Variants in DTHD1 observed in about 807,000 individuals in gnomAD.
DTHD1 encodes death domain containing 1.
In DTHD1, 59 loss-of-function variants were observed where a neutral mutation model predicts 74.8. That is an observed-to-expected ratio of 0.79 (90% CI 0.64 to 0.98). The LOEUF (loss-of-function observed/expected upper bound fraction) is 0.98, where lower values mean the gene tolerates loss of function less well. Ranked by LOEUF, DTHD1 falls within the 50% of genes least tolerant of loss-of-function variation. DTHD1 has a pLI of 0.00. For synonymous variants in DTHD1, 365 were observed against 371.1 expected, an observed-to-expected ratio of 0.98 and a Z score of 0.19; for missense variants, 1,051 against 1,065.4, an observed-to-expected ratio of 0.99 and a Z score of 0.19.
chr4:36,336,981 G>A (rs1255206557), intron 8 of DTHD1, among the ~76,000 whole-genome samples: 1 of 152,106 alleles, frequency 6.6e-6, no homozygotes, highest in African/African-American at 2.4e-5. Flanking sequence ...GGGGAAATGA[G>A]AGCTGTTTCT....
At chr4:36,335,667 C>G (rs1758970389) in intron 8 of DTHD1, among the ~76,000 whole-genome samples, 2 of 152,178 alleles carry the variant, frequency 1.3e-5, no homozygotes, top group Non-Finnish European at 2.9e-5. Context: ...ATGGCTGGAT[C>G]TTGGAGCACT....
chr4:36,288,954 G>C (rs1380718681), intron 2 of DTHD1, among the ~76,000 whole-genome samples: 1 of 152,128 alleles, frequency 6.6e-6, no homozygotes, highest in Non-Finnish European at 1.5e-5. Flanking sequence ...GAATACTCAA[G>C]CAGAACAATG....
At chr4:36,324,982 C>G (rs1332986556) in intron 8 of DTHD1, among the ~76,000 whole-genome samples, 6 of 152,094 alleles carry the variant, frequency 3.9e-5, no homozygotes, top group Non-Finnish European at 8.8e-5. Flanking sequence ...GAGTTTCACA[C>G]AAGAGAGATG....
At chr4:36,332,756 T>C (rs1758771746) in intron 8 of DTHD1, 1 of 152,154 alleles carries the variant, frequency 6.6e-6, no homozygotes, top group African/African-American at 2.4e-5. Context: ...ATCCTTGATA[T>C]TGCATCTATC....
rs1490080195 is a variant in DTHD1, at chr4:36,346,326, C to A, written c.*2502C>A. On this transcript the variant is annotated 3_prime_UTR_variant, in exon 10 of 10. Coordinates refer to ENST00000639862, the MANE Select transcript of DTHD1 (RefSeq NM_001170700.3). ...CTCATTAAAACACTCCCTGTCATAA[C>A]CCTCCCGTCTTTCTTTCTCTCTCTC... 6.6e-6 allele frequency among the ~76,000 whole-genome samples: 1 copy of A among 151,934 alleles called. No individual in the cohort carries two copies. The highest frequency in any genetic ancestry group is 2.1e-4 in the South Asian group (1 of 4,810).
intron 2 of DTHD1, among the ~76,000 whole-genome samples, chr4:36,289,419 T>C (rs1755921827): frequency 6.6e-6 from 1 of 152,182 alleles, no homozygotes; most frequent in African/African-American, 2.4e-5. Context: ...TGAGGAATTA[T>C]GATATTATAT....
intron 4 of DTHD1, among the ~76,000 whole-genome samples, chr4:36,294,460 C>T (rs1392932635): frequency 1.3e-5 from 2 of 151,950 alleles, no homozygotes; most frequent in Non-Finnish European, 2.9e-5. Flanking sequence ...CTAAAGATCA[C>T]TTGATCTAAC....
chr4:36,286,070 G>A (rs921263920), intron 2 of DTHD1, among the ~76,000 whole-genome samples: 2 of 152,140 alleles, frequency 1.3e-5, no homozygotes, highest in African/African-American at 4.8e-5. Context: ...AAAATGAAGA[G>A]GTGGTTCTAA....
In DTHD1 at chr4:36,333,474, C is replaced by G. The variant is rs1297035816; in HGVS notation, c.2341-5638C>G. 2.6e-5 allele frequency: 4 copies of G among 152,168 alleles called. No homozygotes were observed. The East Asian group carries it at 5.8e-4, about 22-fold the overall frequency. The allele number at this position is 152,168 out of a possible 1,614,324, so 9.4% of individuals were successfully genotyped here. ...TAGGAAGCCACTTCCTTTATCCTAT[C>G]ATGTTTTACCACACAGCTCACACAC... On this transcript the variant is annotated intron_variant, in intron 8 of 9. Coordinates refer to ENST00000639862, the MANE Select transcript of DTHD1 (RefSeq NM_001170700.3).
At chr4:36,290,804 T>C (rs768407775) in intron 3 of DTHD1, 101 bp downstream of exon 3, 59 of 929,378 alleles carry the variant, frequency 6.3e-5, no homozygotes, top group Non-Finnish European at 9.1e-5. Flanking sequence ...GCTCCACTAG[T>C]AATAAATGGA....
At position 36,294,680 on chromosome 4, in the gene DTHD1, TAGAG is replaced by T. The variant is rs1277223521; in HGVS notation, c.1399-113_1399-110del. 1.5e-5 allele frequency: 14 copies of T among 962,036 alleles called. No homozygotes were observed. In the African/African-American group the frequency reaches 2.3e-4, roughly 16 times the overall value. The allele number at this position is 962,036 out of a possible 1,614,324, so 59.6% of individuals were successfully genotyped here. A position where few individuals can be genotyped will look rare whatever the true frequency, so the allele number is the denominator to read the frequency against. Reference sequence around the variant, plus strand: ...ATTGTTGATTACAACTAACAATACATAGAGAAATGTATAAAACTATGCTGCATAG... The same window carrying T: ...ATTGTTGATTACAACTAACAATACATAAATGTATAAAACTATGCTGCATAG... On this transcript the variant is annotated intron_variant, in intron 4 of 9. Transcript: ENST00000639862.
chr4:36,296,228 G>A (rs1756388662), intron 5 of DTHD1, among the ~76,000 whole-genome samples: 1 of 152,040 alleles, frequency 6.6e-6, no homozygotes, highest in South Asian at 2.1e-4. Flanking sequence ...TGGGGAATCA[G>A]GGTTTTCATC....
rs1338983514 is a variant in DTHD1, at chr4:36,345,436, T to C, written c.*1612T>C. 6.6e-6 allele frequency: 1 copy of C among 152,222 alleles called. No individual in the cohort carries two copies. Among genetic ancestry groups the C allele is most frequent in the East Asian group, 1.9e-4 (1 of 5,198 alleles). The allele number at this position is 152,222 out of a possible 1,614,324, so 9.4% of individuals were successfully genotyped here. On this transcript the variant is annotated 3_prime_UTR_variant, in exon 10 of 10. Transcript: ENST00000639862. ...AACATCGGTAGCAATTAGTTTCAGT[T>C]ATTGAATACCTAGGAATTAATTGAG...
intron 8 of DTHD1, 117 bp downstream of exon 8, chr4:36,316,603 G>C: frequency 9.1e-7 from 1 of 1,102,210 alleles, no homozygotes; most frequent in Non-Finnish European, 1.3e-6. Flanking sequence ...AAGAATAGAG[G>C]TAATAAAGAA....
intron 7 of DTHD1, among the ~76,000 whole-genome samples, chr4:36,312,845 A>G (rs529415788): frequency 6.6e-6 from 1 of 152,314 alleles, no homozygotes; most frequent in South Asian, 2.1e-4. Flanking sequence ...GGAAACATGA[A>G]GGGTTTTCAA....
chr4:36,294,782 A>G lies in DTHD1; in HGVS notation c.1399-13A>G. On this transcript the variant is annotated splice_polypyrimidine_tract_variant and intron_variant, in intron 4 of 9. Transcript: ENST00000639862. ...TCTATTAAAACATAAGAAAAAATATATTTTTTGTTTAGATCCAACCAGTTG... is the reference window on the plus strand; with the variant it reads ...TCTATTAAAACATAAGAAAAAATATGTTTTTTGTTTAGATCCAACCAGTTG... The G allele has an allele frequency of 6.7e-7, 1 of 1,497,306 alleles. No homozygotes were observed. The highest frequency in any genetic ancestry group is 8.9e-7 in the Non-Finnish European group (1 of 1,124,028). The allele number at this position is 1,497,306 out of a possible 1,614,324, so 92.8% of individuals were successfully genotyped here. A position where few individuals can be genotyped will look rare whatever the true frequency, so the allele number is the denominator to read the frequency against.
chr4:36,335,053 T>C (rs113893036), intron 8 of DTHD1, among the ~76,000 whole-genome samples: 4,598 of 152,230 alleles, frequency 0.03, 92 homozygotes, highest in Non-Finnish European at 0.043. Context: ...TTAACAACAA[T>C]ATAATATTAA....
In DTHD1 at chr4:36,343,906, C is replaced by T. The variant is rs1484252569; in HGVS notation, c.*82C>T. On this transcript the variant is annotated 3_prime_UTR_variant, in exon 10 of 10. Coordinates refer to ENST00000639862, the MANE Select transcript of DTHD1 (RefSeq NM_001170700.3). ...CTGTCAACATTTTCCTGGAAGTTTCCGAATGATATTATTTGAAGTCAGTCT... is the reference window on the plus strand; with the variant it reads ...CTGTCAACATTTTCCTGGAAGTTTCTGAATGATATTATTTGAAGTCAGTCT... 30 of 1,285,794 alleles carry T rather than the reference C, an allele frequency of 2.3e-5. No homozygotes were observed. Among genetic ancestry groups the T allele is most frequent in the Admixed American group, 5.5e-5 (2 of 36,612 alleles). The allele number at this position is 1,285,794 out of a possible 1,614,324, so 79.6% of individuals were successfully genotyped here.
chr4:36,329,638 ACTG>A (rs1758554382), intron 8 of DTHD1, among the ~76,000 whole-genome samples: 2 of 152,264 alleles, frequency 1.3e-5, no homozygotes, highest in South Asian at 4.1e-4. Flanking sequence ...GCTTGCTTAT[ACTG>A]CTGTTTCCCA....
Sources: allele counts gnomAD v4.1 joint callset (sites outside exome capture counted in the v4.1 genomes callset), GRCh38; gene constraint gnomAD v4.1.1; transcripts MANE v1.5; gene names NCBI Gene and HGNC (gene_info 2026-07-23, HGNC 2026-07-21).